The following SLC25A21 variants were observed in gnomAD, a reference collection of about 807,000 sequenced individuals.
SLC25A21 encodes the protein solute carrier family 25 member 21.
Under a neutral mutation model 43.8 loss-of-function variants are expected in SLC25A21, and 47 were observed. The ratio of observed to expected loss-of-function variants is 1.07; its 90% CI spans 0.85 to 1.37. SLC25A21 has a LOEUF of 1.37. Among genes scored for constraint, SLC25A21 ranks in the 40% most tolerant of loss-of-function variants. The pLI is 0.00. For missense variants in SLC25A21, 352 were observed against 350.2 expected, an observed-to-expected ratio of 1.00 and a Z score of -0.04; for synonymous variants, 131 against 121.3, an observed-to-expected ratio of 1.08 and a Z score of -0.52.
intron 1 of SLC25A21, among the ~76,000 whole-genome samples, chr14:37,026,201 A>C (rs555527035): frequency 6.6e-6 from 1 of 152,260 alleles, no homozygotes; most frequent in South Asian, 2.1e-4. Flanking sequence ...CACCAGATAT[A>C]ATTTTTGTTT....
At chr14:37,054,907 C>T (rs570632101) in intron 1 of SLC25A21, among the ~76,000 whole-genome samples, 3 of 152,182 alleles carry the variant, frequency 2.0e-5, no homozygotes, top group East Asian at 3.9e-4. Context: ...AAGAATGACA[C>T]AGAGTGAGAA....
intron 1 of SLC25A21, among the ~76,000 whole-genome samples, chr14:37,069,734 G>T (rs1962134405): frequency 6.6e-6 from 1 of 152,166 alleles, no homozygotes; most frequent in Admixed American, 6.5e-5. Context: ...TAAAAGAATA[G>T]AGGCCCTTTT....
chr14:37,101,067 T>A (rs1191621175), intron 1 of SLC25A21, among the ~76,000 whole-genome samples: 1 of 152,208 alleles, frequency 6.6e-6, no homozygotes, highest in African/African-American at 2.4e-5. Context: ...AGATACACTA[T>A]CTTTCTAAAA....
At chr14:36,758,728 C>G (rs1450393809) in intron 3 of SLC25A21, among the ~76,000 whole-genome samples, 1 of 152,008 alleles carries the variant, frequency 6.6e-6, no homozygotes, top group Non-Finnish European at 1.5e-5. Flanking sequence ...CTTAGATACC[C>G]CAAAGACTGA....
At chr14:36,945,829 C>G (rs145079258) in intron 1 of SLC25A21, among the ~76,000 whole-genome samples, 1 of 151,944 alleles carries the variant, frequency 6.6e-6, no homozygotes, top group African/African-American at 2.4e-5. Flanking sequence ...GTACTTAATG[C>G]CACTGAACTA....
chr14:37,100,704 A>C (rs1271908442), intron 1 of SLC25A21, among the ~76,000 whole-genome samples: 1 of 152,222 alleles, frequency 6.6e-6, no homozygotes, highest in Non-Finnish European at 1.5e-5. Context: ...GGAAGGACAG[A>C]TCAGTAGAGA....
At chr14:36,987,562 C>A (rs114273686) in intron 1 of SLC25A21, among the ~76,000 whole-genome samples, 2,991 of 152,154 alleles carry the variant, frequency 0.02, 96 homozygotes, top group African/African-American at 0.068. Flanking sequence ...ATCATTTTTT[C>A]ACATAATATA....
chr14:37,081,419 A>G (rs1395643370), intron 1 of SLC25A21, among the ~76,000 whole-genome samples: 1 of 152,186 alleles, frequency 6.6e-6, no homozygotes, highest in Non-Finnish European at 1.5e-5. Context: ...CATGCCACCT[A>G]CAGTGGCCTC....
intron 1 of SLC25A21, among the ~76,000 whole-genome samples, chr14:36,912,264 C>T (rs961327011): frequency 3.9e-5 from 6 of 152,118 alleles, no homozygotes; most frequent in African/African-American, 1.4e-4. Flanking sequence ...TTGCAGTAAC[C>T]ATGCTAAGCA....
intron 8 of SLC25A21, 123 bp from the exon 9 acceptor site, chr14:36,684,003 A>C: frequency 1.5e-5 from 9 of 602,794 alleles, no homozygotes; most frequent in Non-Finnish European, 2.3e-5. Context: ...CACACATCTC[A>C]AAGCAGACAG....
chr14:37,169,608 G>C (rs867722161), intron 1 of SLC25A21, among the ~76,000 whole-genome samples: 3 of 40,722 alleles, frequency 7.4e-5, no homozygotes, highest in African/African-American at 2.2e-4. Flanking sequence ...CACACACACA[G>C]AAGTGTTGTA....
intron 1 of SLC25A21, among the ~76,000 whole-genome samples, chr14:37,129,881 G>A (rs1963363225): frequency 6.6e-6 from 1 of 151,182 alleles, no homozygotes; most frequent in South Asian, 2.1e-4. Context: ...CCTAATTCTT[G>A]CCTGAATTGA....
chr14:37,169,168 T>C (rs1450401081), intron 1 of SLC25A21, among the ~76,000 whole-genome samples: 1 of 152,138 alleles, frequency 6.6e-6, no homozygotes, highest in African/African-American at 2.4e-5. Flanking sequence ...GTGCTGACTG[T>C]GGTGCTATGG....
At chr14:36,869,368 C>A (rs555120841) in intron 2 of SLC25A21, among the ~76,000 whole-genome samples, 36 of 151,840 alleles carry the variant, frequency 2.4e-4, no homozygotes, top group Non-Finnish European at 4.6e-4. Context: ...GAGGGTGGAG[C>A]AGGAAGTAAC....
intron 1 of SLC25A21, among the ~76,000 whole-genome samples, chr14:36,983,315 T>C (rs558032571): frequency 3.3e-5 from 5 of 152,320 alleles, no homozygotes; most frequent in East Asian, 1.9e-4. Context: ...AATCATAGTC[T>C]TTCTGTTATG....
chr14:36,929,761 A>G (rs1892237613), intron 1 of SLC25A21, among the ~76,000 whole-genome samples: 2 of 152,190 alleles, frequency 1.3e-5, no homozygotes, highest in Admixed American at 1.3e-4. Flanking sequence ...GTCTCCAAGA[A>G]GGCCACCGTC....
chr14:36,883,241 C>T (rs1426565674), intron 1 of SLC25A21, among the ~76,000 whole-genome samples: 1 of 152,200 alleles, frequency 6.6e-6, no homozygotes, highest in Non-Finnish European at 1.5e-5. Context: ...CCTCCACTGG[C>T]TCTACTCCAG....
chr14:37,008,112 G>A (rs1264919025), intron 1 of SLC25A21, among the ~76,000 whole-genome samples: 3 of 152,006 alleles, frequency 2.0e-5, no homozygotes, highest in African/African-American at 7.2e-5. Flanking sequence ...GACCTTAAGC[G>A]ATCCATCTGC....
intron 1 of SLC25A21, among the ~76,000 whole-genome samples, chr14:37,025,091 T>G (rs1961065536): frequency 6.6e-6 from 1 of 152,004 alleles, no homozygotes. Context: ...AAGCAAAATA[T>G]TTAATGACAA....
Sources: gnomAD v4.1 joint callset for allele counts (sites outside exome capture counted in the v4.1 genomes callset) on GRCh38, gnomAD v4.1.1 for gene constraint, MANE v1.5 for transcripts, NCBI Gene and HGNC (gene_info 2026-07-23, HGNC 2026-07-21) for gene names.